KTN1: variants seen among roughly 807,000 people sequenced by gnomAD.
The protein encoded by KTN1 is kinectin.
Under a neutral mutation model 222.5 loss-of-function variants are expected in KTN1, and 130 were observed. The observed-to-expected ratio is 0.58, with a 90% CI of 0.51 to 0.68. The LOEUF (loss-of-function observed/expected upper bound fraction) is 0.68, where lower values mean the gene tolerates loss of function less well. Among genes scored for constraint, KTN1 ranks in the 30% least tolerant of loss-of-function variants. The probability of loss-of-function intolerance (pLI) is 0.00; values close to 1 mark genes in which losing one functional copy is unlikely to be tolerated. For missense variants in KTN1, 1,508 were observed against 1,500.4 expected (o/e 1.01, Z -0.08); for synonymous variants, 512 against 496.3 (o/e 1.03, Z -0.42).
Position 55,679,696 on chromosome 14 carries a change from C to A in KTN1, c.4069+11C>A. 1 of 1,613,050 alleles carries A rather than the reference C, an allele frequency of 6.2e-7. No individual in the cohort carries two copies. The stretch of plus-strand genomic sequence containing the variant: ...ACTACCAGGTGTTAGGTAAGGACAA[C>A]TGAAATATTGCTGTCTATGGGTAAT... On this transcript the variant is annotated intron_variant, in intron 43 of 43. Transcript: ENST00000395314.
At chr14:55,646,512 T>C (rs963705104) in intron 18 of KTN1, among the ~76,000 whole-genome samples, 1 of 126,934 alleles carries the variant, frequency 7.9e-6, no homozygotes, top group African/African-American at 2.9e-5. Flanking sequence ...TTCCTTTCCT[T>C]TCCTTTCCTT....
At chr14:55,678,683 C>T in intron 42 of KTN1, 1 of 416,782 alleles carries the variant, frequency 2.4e-6, no homozygotes, top group Non-Finnish European at 4.4e-6. Flanking sequence ...GGACAGGTAC[C>T]AGTCAATGGC....
chr14:55,594,719 G>A (rs1476484433), intron 1 of KTN1, among the ~76,000 whole-genome samples: 5 of 152,132 alleles, frequency 3.3e-5, no homozygotes, highest in African/African-American at 4.8e-5. Context: ...GTTTTCACAC[G>A]TAGGTAAATA....
At chr14:55,584,234 TATC>T (rs1216669995) in intron 1 of KTN1, among the ~76,000 whole-genome samples, 6 of 151,976 alleles carry the variant, frequency 3.9e-5, no homozygotes, top group African/African-American at 1.2e-4. Flanking sequence ...GGTTAGCTAC[TATC>T]ATCCCTCTGC....
At chr14:55,616,732 C>T (rs569893729) in intron 3 of KTN1, 78 bp downstream of exon 3, 190 of 1,131,852 alleles carry the variant, frequency 1.7e-4, no homozygotes, top group Middle Eastern at 1.2e-3. Context: ...GAATCTCACA[C>T]GCTCTTTAGC....
intron 1 of KTN1, among the ~76,000 whole-genome samples, chr14:55,594,598 T>C (rs1252669846): frequency 6.6e-6 from 1 of 150,712 alleles, no homozygotes; most frequent in East Asian, 2.0e-4. Context: ...AAATATCCAA[T>C]GTTTTGAATT....
chr14:55,637,575 A>G (rs1331272602), intron 11 of KTN1, among the ~76,000 whole-genome samples: 1 of 151,802 alleles, frequency 6.6e-6, no homozygotes, highest in African/African-American at 2.4e-5. Context: ...GATTAGGAAT[A>G]GCACAAACAT....
At chr14:55,648,161 A>G (rs2042584551) in intron 20 of KTN1, 46 bp downstream of exon 20, 4 of 940,374 alleles carry the variant, frequency 4.3e-6, no homozygotes, top group East Asian at 5.7e-5. Context: ...ATTCAGTGAC[A>G]TAAAAGGATT....
chr14:55,681,034 TC>T (rs1391758084), intron 43 of KTN1: 131 of 228,634 alleles, frequency 5.7e-4, no homozygotes, highest in Non-Finnish European at 1.2e-4. Context: ...ACCTTGTACT[TC>T]CTTCAGGTTA....
intron 1 of KTN1, among the ~76,000 whole-genome samples, chr14:55,599,771 A>G (rs965242675): frequency 6.6e-6 from 1 of 151,928 alleles, no homozygotes; most frequent in East Asian, 1.9e-4. Flanking sequence ...CAGTAGGGGG[A>G]ATTGGCAGAA....
intron 21 of KTN1, 26 bp downstream of exon 21, chr14:55,648,896 T>C: frequency 1.4e-6 from 2 of 1,392,340 alleles, no homozygotes; most frequent in Admixed American, 1.8e-5. Flanking sequence ...ACAACTGTTC[T>C]TTGTCTCTGT....
In KTN1 at chr14:55,658,570, T is replaced by TG; in HGVS notation, c.2917_2918insG (p.Phe973CysfsTer2). On this transcript the variant is annotated frameshift_variant, in exon 30 of 44. Transcript: ENST00000395314. LOFTEE classifies it high-confidence loss of function. ...GGATGTACAAGATGAAAACAAATTG[T>TG]TTAAGTCCCAAATTGAGCAGCTTAA... The TG allele has an allele frequency of 6.2e-7, 1 of 1,601,820 alleles. No individual in the cohort carries two copies. The highest frequency in any genetic ancestry group is 8.5e-7 in the Non-Finnish European group (1 of 1,170,166).
intron 6 of KTN1, among the ~76,000 whole-genome samples, chr14:55,628,945 A>G (rs936654573): frequency 6.6e-6 from 1 of 152,266 alleles, no homozygotes; most frequent in African/African-American, 2.4e-5. Flanking sequence ...TCAGGCAGCC[A>G]TAAATTATGT....
Position 55,676,032 on chromosome 14 carries a change from C to G in KTN1, c.3855+114C>G. The G allele has an allele frequency of 1.2e-5, 8 of 648,962 alleles. No homozygotes were observed. The South Asian group carries it at 1.7e-4, about 14-fold the overall frequency. 40.2% of individuals were successfully genotyped at this position (648,962 alleles called of 1,614,324 possible). On this transcript the variant is annotated intron_variant, in intron 41 of 43. Transcript: ENST00000395314. ...TGTTGTTTTGCATCATAATATTAACCTTTTATAAATTTAAGCTGCTTGTTA... is the reference window on the plus strand; with the variant it reads ...TGTTGTTTTGCATCATAATATTAACGTTTTATAAATTTAAGCTGCTTGTTA...
intron 33 of KTN1, among the ~76,000 whole-genome samples, chr14:55,665,368 A>G (rs1247147271): frequency 6.6e-6 from 1 of 152,058 alleles, no homozygotes; most frequent in East Asian, 1.9e-4. Context: ...GCTACTTGCC[A>G]TAGGCATTTT....
At chr14:55,632,450 T>C (rs2040636646) in intron 7 of KTN1, among the ~76,000 whole-genome samples, 1 of 152,220 alleles carries the variant, frequency 6.6e-6, no homozygotes, top group Non-Finnish European at 1.5e-5. Context: ...TAAGAGTCAG[T>C]GTGCCTTTAT....
At chr14:55,648,464 T>C (rs2042614782) in intron 20 of KTN1, among the ~76,000 whole-genome samples, 1 of 152,172 alleles carries the variant, frequency 6.6e-6, no homozygotes, top group Non-Finnish European at 1.5e-5. Context: ...CCTAACTTGA[T>C]TGGGAAAAGG....
rs184556730 is a variant in KTN1, at chr14:55,648,076, T to C, written c.2259T>C (p.Thr753=). 6.4e-6 allele frequency: 10 copies of C among 1,570,890 alleles called. No individual in the cohort carries two copies. The East Asian group carries it at 2.1e-4, about 33-fold the overall frequency. Residue 753 remains threonine (T), a synonymous_variant, in exon 20 of 44, where the codon ACT becomes ACC. Transcript: ENST00000395314. ...KLKTVEELLE[T]GLIQVATKEE... ...AGACTGTGGAAGAATTACTTGAAAC[T>C]GGACTTATTCAGGTGGCAACTAAAG...
chr14:55,620,606 G>T (rs2039005336), intron 5 of KTN1, among the ~76,000 whole-genome samples: 1 of 152,170 alleles, frequency 6.6e-6, no homozygotes, highest in Non-Finnish European at 1.5e-5. Flanking sequence ...AAGGCTTGGG[G>T]CTTGTACCCT....
Sources: allele counts gnomAD v4.1 joint callset (sites outside exome capture counted in the v4.1 genomes callset), GRCh38; gene constraint gnomAD v4.1.1; transcripts MANE v1.5; gene names NCBI Gene and HGNC (gene_info 2026-07-23, HGNC 2026-07-21).